Variants in TPCN2 observed in about 807,000 individuals in gnomAD.
The protein encoded by TPCN2 is two pore segment channel 2.
TPCN2 carries 92 observed loss-of-function variants against 111.4 expected under a neutral mutation model. The observed-to-expected ratio is 0.83, with a 90% CI of 0.70 to 0.98. The LOEUF is 0.98. TPCN2 is among the 50% of genes least tolerant of loss of function. TPCN2 has a pLI of 0.00. For synonymous variants in TPCN2, 405 were observed against 414.5 expected, an observed-to-expected ratio of 0.98 and a Z score of 0.28; for missense variants, 995 against 980.1, an observed-to-expected ratio of 1.02 and a Z score of -0.20.
chr11:69,052,566 C>G (rs1298753946), intron 1 of TPCN2, among the ~76,000 whole-genome samples: 1 of 152,128 alleles, frequency 6.6e-6, no homozygotes, highest in East Asian at 1.9e-4. Context: ...AGGGAAGGCT[C>G]TTGCTCCCGG....
In TPCN2 at chr11:69,071,909, C is replaced by G. The variant is rs936431725; in HGVS notation, c.961-14C>G. The stretch of plus-strand genomic sequence containing the variant: ...GAGGGCTGATCCTGCCGTTCATAGC[C>G]TTCCTCTTTGCAGAAATCTCTCCAG... On this transcript the variant is annotated splice_polypyrimidine_tract_variant and intron_variant, in intron 10 of 24. Transcript: ENST00000294309. 1 of 1,612,800 alleles carries G rather than the reference C, an allele frequency of 6.2e-7. No homozygotes were observed. Among genetic ancestry groups the G allele is most frequent in the Non-Finnish European group, 8.5e-7 (1 of 1,179,126 alleles).
At chr11:69,052,845 C>G (rs1419441047) in intron 1 of TPCN2, among the ~76,000 whole-genome samples, 3 of 152,236 alleles carry the variant, frequency 2.0e-5, no homozygotes, top group Admixed American at 6.5e-5. Context: ...GCTGTGGGCC[C>G]CAAGGGGCCA....
chr11:69,059,992 A>G (rs1354908068), intron 5 of TPCN2, among the ~76,000 whole-genome samples: 1 of 152,250 alleles, frequency 6.6e-6, no homozygotes, highest in Non-Finnish European at 1.5e-5. Context: ...CTGCATCCAC[A>G]GGATGCCTGG....
At chr11:69,077,003 C>CTTGT (rs1855801650) in intron 13 of TPCN2, among the ~76,000 whole-genome samples, 1 of 32,692 alleles carries the variant, frequency 3.1e-5, no homozygotes. Flanking sequence ...CCTCCTGCCA[C>CTTGT]GTCCCTCCAC....
At chr11:69,065,679 C>T (rs1055495085) in intron 7 of TPCN2, among the ~76,000 whole-genome samples, 8 of 152,318 alleles carry the variant, frequency 5.3e-5, no homozygotes, top group East Asian at 1.9e-4. Context: ...TTTGTGAGTG[C>T]GGTCCAGAGC....
At chr11:69,053,046 C>T (rs966380620) in intron 1 of TPCN2, among the ~76,000 whole-genome samples, 10 of 152,218 alleles carry the variant, frequency 6.6e-5, no homozygotes, top group African/African-American at 2.4e-4. Context: ...GGCCCAGGCT[C>T]CCTGCAGTGG....
chr11:69,077,705 C>G (rs1318865287), intron 13 of TPCN2, among the ~76,000 whole-genome samples: 1 of 152,232 alleles, frequency 6.6e-6, no homozygotes, highest in Non-Finnish European at 1.5e-5. Flanking sequence ...CACTCTGCAG[C>G]CTGCCTGTTC....
intron 4 of TPCN2, among the ~76,000 whole-genome samples, chr11:69,056,392 T>C (rs1445968105): frequency 6.6e-6 from 1 of 152,214 alleles, no homozygotes; most frequent in African/African-American, 2.4e-5. Context: ...GGTTAGCAGG[T>C]CTGGGGGTTT....
rs982002102 is a variant in TPCN2 at position 69,090,202 on chromosome 11, A to G, written c.*2249A>G. 1.3e-4 allele frequency: 8 copies of G among 62,294 alleles called. No homozygotes were observed. The highest frequency in any genetic ancestry group is 2.5e-4 in the African/African-American group (7 of 28,374). 3.9% of individuals were successfully genotyped at this position (62,294 alleles called of 1,614,324 possible). On this transcript the variant is annotated 3_prime_UTR_variant, in exon 25 of 25. Transcript: ENST00000294309. ...TTCCATCTCTCTCTCTGTCTCATCTATTCACAGCTGGGAATGATACTAATA... is the reference window on the plus strand; with the variant it reads ...TTCCATCTCTCTCTCTGTCTCATCTGTTCACAGCTGGGAATGATACTAATA...
intron 5 of TPCN2, among the ~76,000 whole-genome samples, chr11:69,058,128 C>T (rs1467305445): frequency 6.6e-6 from 1 of 152,218 alleles, no homozygotes; most frequent in African/African-American, 2.4e-5. Context: ...CAGCCCTTTC[C>T]ACCGCAGTGC....
chr11:69,056,511 C>T (rs11228464), intron 4 of TPCN2, among the ~76,000 whole-genome samples: 2,259 of 152,246 alleles, frequency 0.015, 76 homozygotes, highest in African/African-American at 0.051. Context: ...AAGCTGTGAC[C>T]TCTGGGGGCT....
intron 1 of TPCN2, among the ~76,000 whole-genome samples, chr11:69,052,282 G>T (rs574196230): frequency 1.8e-4 from 27 of 152,226 alleles, no homozygotes; most frequent in African/African-American, 6.0e-4. Flanking sequence ...AGGGAATCTG[G>T]TAAGGTGGGG....
At position 69,078,897 on chromosome 11, in the gene TPCN2, C is replaced by T. The variant is rs376512796; in HGVS notation, c.1416C>T (p.Leu472=). The change falls in exon 16 of 25, where the codon CTC becomes CTT. Residue 472 remains leucine, a synonymous_variant. Transcript: ENST00000294309. ...GCCTCTTCTGCCCCTTTCAGATTCT[C>T]AACTGCGTCTTCATTGTGTACTACC... ...AERDDFILGI[L]NCVFIVYYLL... 1.9e-6 allele frequency: 3 copies of T among 1,613,964 alleles called. No homozygotes were observed. The African/African-American group carries it at 4.0e-5, about 22-fold the overall frequency.
In TPCN2 at chr11:69,054,810, C is replaced by T. The variant is rs757700401; in HGVS notation, c.251+13C>T. ...ACGTATGCCAACGGTGAGAACGCACCCATGTGGAACTCAGGGTTCCTGCCG... is the reference window on the plus strand; with the variant it reads ...ACGTATGCCAACGGTGAGAACGCACTCATGTGGAACTCAGGGTTCCTGCCG... On this transcript the variant is annotated intron_variant, in intron 3 of 24. Transcript: ENST00000294309. 6.2e-7 allele frequency: 1 copy of T among 1,611,342 alleles called. No individual in the cohort carries two copies. Among genetic ancestry groups the T allele is most frequent in the Non-Finnish European group, 8.5e-7 (1 of 1,177,828 alleles).
chr11:69,058,030 C>T lies in TPCN2; in HGVS notation c.546+336C>T, dbSNP rs141616000. On this transcript the variant is annotated intron_variant, in intron 5 of 24. Coordinates refer to ENST00000294309, the MANE Select transcript of TPCN2 (RefSeq NM_139075.4). ...GCCGTCCAGCCCCGGATGAGAGCGC[C>T]ACACCAGGGCCTCACCATGCCCCGT... Among the ~76,000 whole-genome samples the T allele has an allele frequency of 6.6e-3, 999 of 152,340 alleles. 9 individuals are homozygous for T. Among genetic ancestry groups the T allele is most frequent in the African/African-American group, 0.023 (957 of 41,572 alleles).
At chr11:69,058,471 G>C (rs1854873250) in intron 5 of TPCN2, among the ~76,000 whole-genome samples, 1 of 152,094 alleles carries the variant, frequency 6.6e-6, no homozygotes, top group Admixed American at 6.6e-5. Context: ...GGTGCTGTCT[G>C]GTGGGCGCTG....
Position 69,088,434 on chromosome 11 carries a change from AGT to A in TPCN2, c.*485_*486del, listed in dbSNP as rs1653154060. 1 of 159,554 alleles carries A rather than the reference AGT, an allele frequency of 6.3e-6. No individual in the cohort carries two copies. Among genetic ancestry groups the A allele is most frequent in the African/African-American group, 2.4e-5 (1 of 41,624 alleles). The allele number at this position is 159,554 out of a possible 1,614,324, so 9.9% of individuals were successfully genotyped here. ...GTTTTATTATTTCATGGCTTGTATG[AGT>A]GTGACTGGGTGTGTTTCTTTAGGGT... On this transcript the variant is annotated 3_prime_UTR_variant, in exon 25 of 25. Transcript: ENST00000294309.
rs533588932 is a variant in TPCN2, at chr11:69,063,290, C to T, written c.653+300C>T. Among the ~76,000 whole-genome samples, 14 of 152,134 alleles carry T rather than the reference C, an allele frequency of 9.2e-5. No individual in the cohort carries two copies. In the East Asian group the frequency reaches 2.7e-3, roughly 30 times the overall value. The stretch of plus-strand genomic sequence containing the variant: ...CTCTCCGATGGGTCTCCTCTTGTCC[C>T]CTCTGTGGCTGTGCCCTGCCTCTCC... On this transcript the variant is annotated intron_variant, in intron 6 of 24. Coordinates refer to ENST00000294309, the MANE Select transcript of TPCN2 (RefSeq NM_139075.4).
At chr11:69,082,446 C>G (rs532012319) in intron 18 of TPCN2, among the ~76,000 whole-genome samples, 1 of 152,412 alleles carries the variant, frequency 6.6e-6, no homozygotes, top group Non-Finnish European at 1.5e-5. Flanking sequence ...CCCGCATCAC[C>G]GTATGCACAG....
Sources: allele counts gnomAD v4.1 joint callset (sites outside exome capture counted in the v4.1 genomes callset), GRCh38; gene constraint gnomAD v4.1.1; transcripts MANE v1.5; gene names NCBI Gene and HGNC (gene_info 2026-07-23, HGNC 2026-07-21).